The following ZFPM2 variants were observed in gnomAD, a reference collection of about 807,000 sequenced individuals.
The protein encoded by ZFPM2 is zinc finger protein, FOG family member 2, also known as zinc finger protein ZFPM2.
A neutral mutation model predicts 98.6 loss-of-function variants in ZFPM2; 20 were observed. The ratio of observed to expected loss-of-function variants is 0.20; its 90% CI spans 0.14 to 0.29. The LOEUF (loss-of-function observed/expected upper bound fraction) is 0.29. ZFPM2 is among the 10% of genes least tolerant of loss of function. ZFPM2 has a pLI of 1.00. For synonymous variants in ZFPM2, 518 were observed against 502.7 expected (o/e 1.03, Z -0.41); for missense variants, 1,310 against 1,388.6 (o/e 0.94, Z 0.90).
intron 5 of ZFPM2, among the ~76,000 whole-genome samples, chr8:105,649,628 A>G (rs543823704): frequency 2.0e-5 from 3 of 152,270 alleles, no homozygotes; most frequent in African/African-American, 4.8e-5. Context: ...TTCTGCATCT[A>G]TTGAGATAGT....
intron 5 of ZFPM2, among the ~76,000 whole-genome samples, chr8:105,766,571 G>C (rs1812856819): frequency 6.6e-6 from 1 of 151,792 alleles, no homozygotes; most frequent in African/African-American, 2.4e-5. Flanking sequence ...GAGTTGATGG[G>C]GTCCGAACTT....
intron 1 of ZFPM2, among the ~76,000 whole-genome samples, chr8:105,357,791 C>T (rs763793034): frequency 1.3e-4 from 20 of 152,086 alleles, no homozygotes; most frequent in Non-Finnish European, 2.4e-4. Context: ...AAAGGAAGGA[C>T]GTGTAAGTCA....
At chr8:105,582,395 T>C (rs932033393) in intron 4 of ZFPM2, among the ~76,000 whole-genome samples, 4 of 152,038 alleles carry the variant, frequency 2.6e-5, no homozygotes, top group Admixed American at 6.6e-5. Flanking sequence ...AAAGTGAGTG[T>C]GAGGGAAGGG....
intron 5 of ZFPM2, among the ~76,000 whole-genome samples, chr8:105,775,649 A>T (rs1232031902): frequency 6.6e-6 from 1 of 152,124 alleles, no homozygotes; most frequent in Non-Finnish European, 1.5e-5. Flanking sequence ...CTGCAAGCGA[A>T]ATTTTGACAG....
intron 1 of ZFPM2, among the ~76,000 whole-genome samples, chr8:105,344,365 A>G (rs1294598020): frequency 6.6e-6 from 1 of 152,154 alleles, no homozygotes; most frequent in Non-Finnish European, 1.5e-5. Flanking sequence ...TTATATTTTT[A>G]CAAAATATGC....
chr8:105,634,402 C>T, intron 5 of ZFPM2, 45 bp downstream of exon 5: 3 of 1,452,494 alleles, frequency 2.1e-6, no homozygotes, highest in South Asian at 2.4e-5. Context: ...GTATTAAAAC[C>T]TGAGCATTGC....
At chr8:105,358,881 G>C (rs1812801459) in intron 1 of ZFPM2, among the ~76,000 whole-genome samples, 1 of 152,152 alleles carries the variant, frequency 6.6e-6, no homozygotes, top group South Asian at 2.1e-4. Flanking sequence ...CTTGAACCCG[G>C]GAGGCAGAGA....
At chr8:105,366,118 G>T in intron 1 of ZFPM2, among the ~76,000 whole-genome samples, 1 of 152,176 alleles carries the variant, frequency 6.6e-6, no homozygotes, top group Non-Finnish European at 1.5e-5. Flanking sequence ...CAAAATGAGT[G>T]TTCATGCTAA....
At chr8:105,658,871 AT>A (rs1352361853) in intron 5 of ZFPM2, among the ~76,000 whole-genome samples, 1 of 152,234 alleles carries the variant, frequency 6.6e-6, no homozygotes, top group Non-Finnish European at 1.5e-5. Context: ...GCCCTGAAAA[AT>A]ATCAGCATTA....
intron 3 of ZFPM2, among the ~76,000 whole-genome samples, chr8:105,560,385 A>G (rs1053749911): frequency 1.4e-4 from 22 of 152,018 alleles, no homozygotes; most frequent in African/African-American, 5.3e-4. Context: ...AATAAATAAC[A>G]TTAAAACACA....
At chr8:105,577,093 T>C (rs1815483910) in intron 4 of ZFPM2, among the ~76,000 whole-genome samples, 1 of 152,164 alleles carries the variant, frequency 6.6e-6, no homozygotes, top group South Asian at 2.1e-4. Flanking sequence ...TTCTTTAATG[T>C]TTTGTACATA....
At chr8:105,612,468 A>G (rs953139239) in intron 4 of ZFPM2, among the ~76,000 whole-genome samples, 17 of 152,182 alleles carry the variant, frequency 1.1e-4, no homozygotes, top group African/African-American at 4.1e-4. Context: ...ATGTAATTTC[A>G]GTTCCAAATG....
intron 6 of ZFPM2, among the ~76,000 whole-genome samples, chr8:105,793,951 T>A (rs7817952): frequency 0.07 from 10,719 of 152,096 alleles, 1,312 homozygotes; most frequent in African/African-American, 0.24. Context: ...CACTTCTCTG[T>A]ATTGGTTATT....
At chr8:105,773,195 A>G (rs1813021152) in intron 5 of ZFPM2, among the ~76,000 whole-genome samples, 1 of 152,140 alleles carries the variant, frequency 6.6e-6, no homozygotes, top group Non-Finnish European at 1.5e-5. Context: ...TTTGAAATTG[A>G]CTCTAGGTAT....
At chr8:105,570,530 A>G (rs1397834975) in intron 4 of ZFPM2, among the ~76,000 whole-genome samples, 1 of 152,186 alleles carries the variant, frequency 6.6e-6, no homozygotes, top group Non-Finnish European at 1.5e-5. Flanking sequence ...ATGCAGATAT[A>G]GTTATGATGT....
chr8:105,388,560 G>T (rs1164777340), intron 1 of ZFPM2, among the ~76,000 whole-genome samples: 1 of 152,188 alleles, frequency 6.6e-6, no homozygotes, highest in Non-Finnish European at 1.5e-5. Context: ...AGTCAAAAAT[G>T]CAGTAAGCTC....
chr8:105,492,036 C>A (rs1311011781), intron 3 of ZFPM2, among the ~76,000 whole-genome samples: 1 of 152,106 alleles, frequency 6.6e-6, no homozygotes, highest in Non-Finnish European at 1.5e-5. Flanking sequence ...ATTCTCAATT[C>A]TTCTTTATAC....
In ZFPM2 at chr8:105,592,598, C is replaced by T. The variant is rs191916952; in HGVS notation, c.420+31117C>T. Reference sequence around the variant, plus strand: ...TTTTCTTTTTTAGACACACAAAACCCATATGCACACACATATATTAATATA... The same window carrying T: ...TTTTCTTTTTTAGACACACAAAACCTATATGCACACACATATATTAATATA... On this transcript the variant is annotated intron_variant, in intron 4 of 7. Coordinates refer to ENST00000407775, the MANE Select transcript of ZFPM2 (RefSeq NM_012082.4). 2.3e-3 allele frequency among the ~76,000 whole-genome samples: 343 copies of T among 152,124 alleles called. 4 individuals carry two copies. The highest frequency in any genetic ancestry group is 7.5e-3 in the African/African-American group (313 of 41,514).
At chr8:105,660,064 A>G (rs1372547167) in intron 5 of ZFPM2, among the ~76,000 whole-genome samples, 2 of 152,224 alleles carry the variant, frequency 1.3e-5, no homozygotes, top group Non-Finnish European at 2.9e-5. Flanking sequence ...GCTCTTTATA[A>G]TAACTTGTTT....
Sources: allele counts gnomAD v4.1 joint callset (sites outside exome capture counted in the v4.1 genomes callset), GRCh38; gene constraint gnomAD v4.1.1; transcripts MANE v1.5; gene names NCBI Gene and HGNC (gene_info 2026-07-23, HGNC 2026-07-21).